Variants in SLC6A3 observed in about 807,000 individuals in gnomAD.
SLC6A3 encodes the protein sodium-dependent dopamine transporter.
Under a neutral mutation model 70.4 loss-of-function variants are expected in SLC6A3, and 19 were observed. That is an observed-to-expected ratio of 0.27 (90% CI 0.19 to 0.40). The LOEUF (loss-of-function observed/expected upper bound fraction) is 0.40. Among genes scored for constraint, SLC6A3 ranks in the 10% least tolerant of loss-of-function variants. The pLI is 1.00. For synonymous variants in SLC6A3, 368 were observed against 356.6 expected, an observed-to-expected ratio of 1.03 and a Z score of -0.36; for missense variants, 613 against 838.5, an observed-to-expected ratio of 0.73 and a Z score of 3.32.
Position 1,441,191 on chromosome 5 carries a change from C to T in SLC6A3, c.418+168G>A, listed in dbSNP as rs28382228. 0.025 allele frequency among the ~76,000 whole-genome samples: 3,848 copies of T among 152,344 alleles called. 170 individuals carry two copies. The highest frequency in any genetic ancestry group is 0.088 in the African/African-American group (3,675 of 41,566). ...AGGGAATGAACTATCCAGTCCTTGT[C>T]ACTGCAGATCTTTAAGGTGGGACCC... On this transcript the variant is annotated intron_variant, in intron 3 of 14. Transcript: ENST00000270349.
chr5:1,443,647 C>T (rs11564757), intron 1 of SLC6A3, among the ~76,000 whole-genome samples: 9,434 of 152,206 alleles, frequency 0.062, 308 homozygotes, highest in Middle Eastern at 0.11. Flanking sequence ...ATAATGTCTT[C>T]ATGACTGTTC....
rs1733716636 is a variant in SLC6A3 at position 1,442,964 on chromosome 5, C to T, written c.234G>A (p.Val78=). Residue 78 remains valine, a synonymous_variant, in exon 2 of 15, where the codon GTG becomes GTA. Coordinates refer to ENST00000270349, the MANE Select transcript of SLC6A3 (RefSeq NM_001044.5). This position sits in a 1 kb window ranked among gnomAD's most constrained non-coding sequence, Gnocchi z 5.0. ...GGAACCGCCAGACGTTGGCCAGGTCCACAGCAAAGCCAATGACGGACAGGA... is the reference window on the plus strand; with the variant it reads ...GGAACCGCCAGACGTTGGCCAGGTCTACAGCAAAGCCAATGACGGACAGGA... ...DFLLSVIGFA[V]DLANVWRFPY... 1 of 1,614,058 alleles carries T rather than the reference C, an allele frequency of 6.2e-7. No individual in the cohort carries two copies. Among genetic ancestry groups the T allele is most frequent in the Admixed American group, 1.7e-5 (1 of 60,014 alleles).
chr5:1,402,833 C>T lies in SLC6A3; in HGVS notation c.1767+89G>A. The T allele has an allele frequency of 1.5e-6, 2 of 1,337,414 alleles. No individual in the cohort carries two copies. Among genetic ancestry groups the T allele is most frequent in the Non-Finnish European group, 2.1e-6 (2 of 947,986 alleles). The allele number at this position is 1,337,414 out of a possible 1,614,324, so 82.8% of individuals were successfully genotyped here. ...CTCCTCCTCTTGGTCACAGATGACCCAGGCAGGTGAGGACTGGGGCCATGG... is the reference window on the plus strand; with the variant it reads ...CTCCTCCTCTTGGTCACAGATGACCTAGGCAGGTGAGGACTGGGGCCATGG... On this transcript the variant is annotated intron_variant, in intron 13 of 14. Coordinates refer to ENST00000270349, the MANE Select transcript of SLC6A3 (RefSeq NM_001044.5). This position sits in a 1 kb window ranked among gnomAD's most constrained non-coding sequence, Gnocchi z 8.5.
In SLC6A3 at chr5:1,421,038, G is replaced by A. The variant is rs1270966515; in HGVS notation, c.793-335C>T. Among the ~76,000 whole-genome samples, 2 of 152,186 alleles carry A rather than the reference G, an allele frequency of 1.3e-5. No homozygotes were observed. Among genetic ancestry groups the A allele is most frequent in the African/African-American group, 2.4e-5 (1 of 41,438 alleles). On this transcript the variant is annotated intron_variant, in intron 5 of 14. Coordinates refer to ENST00000270349, the MANE Select transcript of SLC6A3 (RefSeq NM_001044.5). The surrounding 1 kb of genome is among the most constrained non-coding windows in gnomAD (Gnocchi z 7.2). ...CGTGAGTGGATTCACACTGGTGAAC[G>A]GCACTGTGGCACGATGAAGGGCTGC... is the stretch of plus-strand genomic sequence containing the variant.
rs113892294 is a variant in SLC6A3 at position 1,421,182 on chromosome 5, T to G, written c.793-479A>C. 1.3e-4 allele frequency among the ~76,000 whole-genome samples: 19 copies of G among 147,676 alleles called. No individual in the cohort carries two copies. In the South Asian group the frequency reaches 3.9e-3, roughly 31 times the overall value. ...TTGGCCCATATAACAACCAAAGTTT[T>G]TTTTTTTTTTTTGAGATGGAGTTTT... On this transcript the variant is annotated intron_variant, in intron 5 of 14. Transcript: ENST00000270349. The surrounding 1 kb of genome is among the most constrained non-coding windows in gnomAD (Gnocchi z 7.2).
At chr5:1,422,461 C>T (rs1308263714) in intron 4 of SLC6A3, among the ~76,000 whole-genome samples, 71 of 129,184 alleles carry the variant, frequency 5.5e-4, no homozygotes, top group Non-Finnish European at 6.2e-4. Context: ...GTGCTGCCCA[C>T]GCTGCTGGGT....
intron 3 of SLC6A3, 21 bp from the exon 4 acceptor site, chr5:1,432,719 A>G (rs1272195944): frequency 6.3e-7 from 1 of 1,581,472 alleles, no homozygotes; most frequent in East Asian, 2.2e-5. Flanking sequence ...GGGGGAGGCC[A>G]TGGAGCCCAC....
rs1249314128 is a variant in SLC6A3, at chr5:1,441,423, C to T, written c.354G>A (p.Leu118=). 2 of 1,614,240 alleles carry T rather than the reference C, an allele frequency of 1.2e-6. No individual in the cohort carries two copies. The highest frequency in any genetic ancestry group is 1.7e-6 in the Non-Finnish European group (2 of 1,180,042). Residue 118 remains leucine, a synonymous_variant, in exon 3 of 15, where the codon CTG becomes CTA. Transcript: ENST00000270349. ...IAGMPLFYME[L]ALGQFNREGA... ...CTTCCCTGTTGAACTGGCCGAGGGC[C>T]AGCTCCATGTAGAAAAGTGGCATCC...
At chr5:1,427,586 C>T (rs1756600142) in intron 4 of SLC6A3, among the ~76,000 whole-genome samples, 1 of 152,184 alleles carries the variant, frequency 6.6e-6, no homozygotes, top group Non-Finnish European at 1.5e-5. Context: ...ATAAAAAGCA[C>T]AACCAACTCG....
chr5:1,401,371 G>A lies in SLC6A3; in HGVS notation c.1768-385C>T, dbSNP rs1755846431. 2 of 456,738 alleles carry A rather than the reference G, an allele frequency of 4.4e-6. No individual in the cohort carries two copies. The highest frequency in any genetic ancestry group is 8.6e-6 in the Non-Finnish European group (2 of 233,746). The allele number at this position is 456,738 out of a possible 1,614,324, so 28.3% of individuals were successfully genotyped here. On this transcript the variant is annotated intron_variant, in intron 13 of 14. Coordinates refer to ENST00000270349, the MANE Select transcript of SLC6A3 (RefSeq NM_001044.5). The surrounding 1 kb of genome is among the most constrained non-coding windows in gnomAD (Gnocchi z 6.1). ...CCACACCCAGGTGGGCTGCCTCGGG[G>A]CCACCTGCAGCTGACATATTCCGGG... is the stretch of plus-strand genomic sequence containing the variant.
In SLC6A3 at chr5:1,401,265, C is replaced by T. The variant is rs28363144; in HGVS notation, c.1768-279G>A. ...AGCAGAACATCAGCATTTGAGCACT[C>T]GCTTGAAAATAAAACGTGGTCCTGG... On this transcript the variant is annotated intron_variant, in intron 13 of 14. Coordinates refer to ENST00000270349, the MANE Select transcript of SLC6A3 (RefSeq NM_001044.5). The surrounding 1 kb of genome is among the most constrained non-coding windows in gnomAD (Gnocchi z 6.1). The T allele has an allele frequency of 6.9e-3, 4,512 of 654,146 alleles. 143 individuals carry two copies. Among genetic ancestry groups the T allele is most frequent in the South Asian group, 0.054 (3,593 of 66,298 alleles). The allele number at this position is 654,146 out of a possible 1,614,324, so 40.5% of individuals were successfully genotyped here.
rs1755711367 is a variant in SLC6A3, at chr5:1,396,087, C to T, written c.1840-1329G>A. On this transcript the variant is annotated intron_variant, in intron 14 of 14. Coordinates refer to ENST00000270349, the MANE Select transcript of SLC6A3 (RefSeq NM_001044.5). This position sits in a 1 kb window ranked among gnomAD's most constrained non-coding sequence, Gnocchi z 7.0. ...GCACATCACAGTGATGAGAATTTCACAAGAAACAGCAGAGCACACGCAGCT... is the reference window on the plus strand; with the variant it reads ...GCACATCACAGTGATGAGAATTTCATAAGAAACAGCAGAGCACACGCAGCT... Among the ~76,000 whole-genome samples the T allele has an allele frequency of 1.3e-5, 2 of 152,260 alleles. No individual in the cohort carries two copies. Among genetic ancestry groups the T allele is most frequent in the Middle Eastern group, 3.4e-3 (1 of 294 alleles).
Position 1,406,432 on chromosome 5 carries a change from C to T in SLC6A3, c.1499-144G>A. On this transcript the variant is annotated intron_variant, in intron 11 of 14. Coordinates refer to ENST00000270349, the MANE Select transcript of SLC6A3 (RefSeq NM_001044.5). The surrounding 1 kb of genome is among the most constrained non-coding windows in gnomAD (Gnocchi z 8.8). ...TGCACCCAGCCTCCTGCAGAGGAGG[C>T]CAGGCCACACCCCAGCCCACTGGGT... 1 of 719,584 alleles carries T rather than the reference C, an allele frequency of 1.4e-6. No individual in the cohort carries two copies. The highest frequency in any genetic ancestry group is 2.5e-6 in the Non-Finnish European group (1 of 403,542). The allele number at this position is 719,584 out of a possible 1,614,324, so 44.6% of individuals were successfully genotyped here. A position where few individuals can be genotyped will look rare whatever the true frequency, so the allele number is the denominator to read the frequency against.
At chr5:1,431,062 A>G (rs910866577) in intron 4 of SLC6A3, among the ~76,000 whole-genome samples, 6 of 150,192 alleles carry the variant, frequency 4.0e-5, no homozygotes, top group Non-Finnish European at 7.5e-5. Flanking sequence ...AGAATCGCGC[A>G]AACGTCCTCT....
chr5:1,435,232 AC>A (rs1478725560), intron 3 of SLC6A3, among the ~76,000 whole-genome samples: 1 of 152,176 alleles, frequency 6.6e-6, no homozygotes, highest in Non-Finnish European at 1.5e-5. Context: ...CAGTGAACTC[AC>A]CCAGGCAGCC....
intron 7 of SLC6A3, among the ~76,000 whole-genome samples, chr5:1,415,291 A>AG (rs1255763669): frequency 1.3e-5 from 2 of 152,108 alleles, no homozygotes; most frequent in Admixed American, 6.5e-5. Flanking sequence ...AGGCAAGCCG[A>AG]GGACGAAGAG....
In SLC6A3 at chr5:1,442,130, G is replaced by A. The variant is rs1271688411; in HGVS notation, c.287-640C>T. ...CCTGGTCTGACTGGAGTGAGGGAGA[G>A]CTTTGCCACTCTCTCTCCTGGGGAA... is the stretch of plus-strand genomic sequence containing the variant. On this transcript the variant is annotated intron_variant, in intron 2 of 14. Coordinates refer to ENST00000270349, the MANE Select transcript of SLC6A3 (RefSeq NM_001044.5). This position sits in a 1 kb window ranked among gnomAD's most constrained non-coding sequence, Gnocchi z 5.0. Among the ~76,000 whole-genome samples the A allele has an allele frequency of 6.6e-6, 1 of 152,180 alleles. No homozygotes were observed. Among genetic ancestry groups the A allele is most frequent in the Non-Finnish European group, 1.5e-5 (1 of 68,016 alleles).
At position 1,411,276 on chromosome 5, in the gene SLC6A3, G is replaced by A; in HGVS notation, c.1236C>T (p.Phe412=). 6.4e-7 allele frequency: 1 copy of A among 1,554,176 alleles called. No homozygotes were observed. Among genetic ancestry groups the A allele is most frequent in the Non-Finnish European group, 8.7e-7 (1 of 1,148,662 alleles). The change falls in exon 9 of 15, where the codon TTC becomes TTT. Residue 412 remains phenylalanine (F), a synonymous_variant. Transcript: ENST00000270349. This position sits in a 1 kb window ranked among gnomAD's most constrained non-coding sequence, Gnocchi z 6.5. The part of the protein sequence containing the change: ...PLSSAWAVVF[F]IMLLTLGIDS... ...CGATACCCAGGGTGAGCAGCATGAT[G>A]AAGAAGACCACGGCCCAGGCTGAGG...
chr5:1,403,087 G>C lies in SLC6A3; in HGVS notation c.1602C>G (p.Phe534Leu). Reference protein sequence around the residue: ...WKLVSPCFLLFVVVVSIVTFR... With the variant: ...WKLVSPCFLLLVVVVSIVTFR... ...AGGTCACAATGCTGACCACGACCACGAACTGCAACCAGCAGATACGGAGGT... is the reference window on the plus strand; with the variant it reads ...AGGTCACAATGCTGACCACGACCACCAACTGCAACCAGCAGATACGGAGGT... The change falls in exon 13 of 15, where the codon TTC (phenylalanine) becomes TTG (leucine). Residue 534 changes from phenylalanine to leucine, a missense_variant and splice_region_variant. Phe to Leu is a conservative substitution (Grantham distance 22, BLOSUM62 0). Transcript: ENST00000270349. 2.5e-6 allele frequency: 4 copies of C among 1,613,462 alleles called. No homozygotes were observed. The highest frequency in any genetic ancestry group is 3.4e-6 in the Non-Finnish European group (4 of 1,179,912).
Sources: allele counts gnomAD v4.1 joint callset (sites outside exome capture counted in the v4.1 genomes callset), GRCh38; gene constraint gnomAD v4.1.1; non-coding constraint Gnocchi (gnomAD v3.1); transcripts MANE v1.5; gene names NCBI Gene and HGNC (gene_info 2026-07-23, HGNC 2026-07-21).